HIBCH: variants seen among roughly 807,000 people sequenced by gnomAD.
The protein encoded by HIBCH is 3-hydroxyisobutyryl-CoA hydrolase, mitochondrial.
In HIBCH, 50 loss-of-function variants were observed where a neutral mutation model predicts 58.2. That is an observed-to-expected ratio of 0.86 (90% confidence interval 0.68 to 1.09). The LOEUF (loss-of-function observed/expected upper bound fraction) is 1.09. HIBCH is among the 50% of genes least tolerant of loss of function. The probability of loss-of-function intolerance (pLI) is 0.00; values close to 1 mark genes in which losing one functional copy is unlikely to be tolerated. For missense variants in HIBCH, 450 were observed against 449.7 expected (o/e 1.00, Z -0.01); for synonymous variants, 151 against 146.9 (o/e 1.03, Z -0.20).
At chr2:190,308,485 T>C (rs1688473143) in intron 2 of HIBCH, among the ~76,000 whole-genome samples, 1 of 152,132 alleles carries the variant, frequency 6.6e-6, no homozygotes. Flanking sequence ...CATAAATTAA[T>C]GGATTAATGA....
intron 11 of HIBCH, among the ~76,000 whole-genome samples, chr2:190,237,116 A>G (rs1471265477): frequency 2.0e-5 from 3 of 152,192 alleles, no homozygotes; most frequent in Non-Finnish European, 2.9e-5. Context: ...ATGTTAAATT[A>G]TATATAATAA....
chr2:190,194,758 A>G (rs1442169683), intron 1 of HIBCH, among the ~76,000 whole-genome samples: 1 of 152,108 alleles, frequency 6.6e-6, no homozygotes, highest in African/African-American at 2.4e-5. Context: ...TGCCATTTCT[A>G]GAATGTCATA....
chr2:190,198,194 A>AG (rs58782566), intron 1 of HIBCH, among the ~76,000 whole-genome samples: 3,529 of 152,280 alleles, frequency 0.023, 157 homozygotes, highest in African/African-American at 0.08. Context: ...CACTCTTATT[A>AG]GGGGTAGGAA....
In HIBCH at chr2:190,206,685, A is replaced by G. The variant is rs1690398918; in HGVS notation, c.1046-1453T>C. ...AGTAAGAATTTTTAACAACTGTTAA[A>G]TTTGCTAACTTACTTTAACTTGCTA... is the stretch of plus-strand genomic sequence containing the variant. On this transcript the variant is annotated intron_variant, in intron 13 of 13. Coordinates refer to ENST00000359678, the MANE Select transcript of HIBCH (RefSeq NM_014362.4). The surrounding 1 kb of genome is among the most constrained non-coding windows in gnomAD (Gnocchi z 5.1). Among the ~76,000 whole-genome samples, 1 of 152,188 alleles carries G rather than the reference A, an allele frequency of 6.6e-6. No individual in the cohort carries two copies. Among genetic ancestry groups the G allele is most frequent in the Non-Finnish European group, 1.5e-5 (1 of 68,040 alleles).
chr2:190,227,551 A>G (rs189710306), intron 11 of HIBCH, among the ~76,000 whole-genome samples: 192 of 152,372 alleles, frequency 1.3e-3, no homozygotes, highest in Non-Finnish European at 2.3e-3. Flanking sequence ...AATGGCAACA[A>G]AAGCCAAAAT....
Position 190,244,980 on chromosome 2 carries a change from G to A in HIBCH, c.810-12C>T. 1 of 1,519,220 alleles carries A rather than the reference G, an allele frequency of 6.6e-7. No individual in the cohort carries two copies. The highest frequency in any genetic ancestry group is 1.1e-5 in the South Asian group (1 of 89,124). 94.1% of individuals were successfully genotyped at this position (1,519,220 alleles called of 1,614,324 possible). ...TGGCTGAAAAACAACTATAAAAAAAGGAAATGTGATTTCACCAATGTGTAA... is the reference window on the plus strand; with the variant it reads ...TGGCTGAAAAACAACTATAAAAAAAAGAAATGTGATTTCACCAATGTGTAA... On this transcript the variant is annotated splice_polypyrimidine_tract_variant and intron_variant, in intron 10 of 13. Coordinates refer to ENST00000359678, the MANE Select transcript of HIBCH (RefSeq NM_014362.4).
Position 190,308,868 on chromosome 2 carries a change from C to A in HIBCH, c.78+1886G>T, listed in dbSNP as rs540639751. Among the ~76,000 whole-genome samples, 8 of 152,252 alleles carry A rather than the reference C, an allele frequency of 5.3e-5. No homozygotes were observed. The South Asian group carries it at 1.7e-3, about 32-fold the overall frequency. On this transcript the variant is annotated intron_variant, in intron 2 of 13. Coordinates refer to ENST00000359678, the MANE Select transcript of HIBCH (RefSeq NM_014362.4). Reference sequence around the variant, plus strand: ...TACGTAGTGCCCACTCTGTCAGAGGCTATAGGGCGTACAAAGTAAATCTAT... The same window carrying A: ...TACGTAGTGCCCACTCTGTCAGAGGATATAGGGCGTACAAAGTAAATCTAT...
intron 11 of HIBCH, chr2:190,213,747 A>C (rs925138925): frequency 2.0e-5 from 3 of 152,670 alleles, no homozygotes; most frequent in Admixed American, 2.0e-4. Context: ...GCAGCAAGAC[A>C]ACCCTAAAAA....
intron 6 of HIBCH, among the ~76,000 whole-genome samples, chr2:190,275,535 G>C (rs923685480): frequency 1.3e-5 from 2 of 152,022 alleles, no homozygotes; most frequent in African/African-American, 4.8e-5. Context: ...AGTCTGAAAG[G>C]GCCCCTATCA....
intron 2 of HIBCH, among the ~76,000 whole-genome samples, chr2:190,300,681 G>A (rs1164802061): frequency 6.6e-6 from 1 of 151,882 alleles, no homozygotes; most frequent in African/African-American, 2.4e-5. Context: ...TCAATTTTTG[G>A]TTTTGTTGCA....
chr2:190,259,065 G>C (rs951879941), intron 7 of HIBCH, among the ~76,000 whole-genome samples: 2 of 152,006 alleles, frequency 1.3e-5, no homozygotes. Flanking sequence ...CTCTAGCTTT[G>C]TTCTTTTTGC....
At chr2:190,269,560 A>C (rs1194181744) in intron 6 of HIBCH, among the ~76,000 whole-genome samples, 1 of 152,200 alleles carries the variant, frequency 6.6e-6, no homozygotes, top group Non-Finnish European at 1.5e-5. Flanking sequence ...GATTATTAAG[A>C]AGTCAGGAAA....
At chr2:190,240,346 T>G (rs1015851240) in intron 11 of HIBCH, among the ~76,000 whole-genome samples, 1 of 152,144 alleles carries the variant, frequency 6.6e-6, no homozygotes, top group Non-Finnish European at 1.5e-5. Context: ...GGTGGTGATA[T>G]CCCCTTTATC....
At chr2:190,270,282 A>ATTTTT (rs1156661359) in intron 6 of HIBCH, among the ~76,000 whole-genome samples, 38 of 109,766 alleles carry the variant, frequency 3.5e-4, no homozygotes, top group Non-Finnish European at 7.2e-4. Flanking sequence ...TTTTTTTTTA[A>ATTTTT]AAAAAAAGAT....
chr2:190,273,704 T>A (rs76754295), intron 6 of HIBCH, among the ~76,000 whole-genome samples: 62 of 151,682 alleles, frequency 4.1e-4, no homozygotes, highest in Middle Eastern at 3.4e-3. Context: ...CCAGTTTTTT[T>A]AAAAAAAAAA....
intron 11 of HIBCH, among the ~76,000 whole-genome samples, chr2:190,235,877 G>A (rs541886258): frequency 1.3e-5 from 2 of 152,270 alleles, no homozygotes; most frequent in African/African-American, 4.8e-5. Context: ...GTTTATGTGT[G>A]TGTTCCACTA....
At chr2:190,222,226 C>T (rs1435842518) in intron 11 of HIBCH, among the ~76,000 whole-genome samples, 2 of 152,186 alleles carry the variant, frequency 1.3e-5, no homozygotes, top group Non-Finnish European at 2.9e-5. Flanking sequence ...TTGTGTTCCC[C>T]ACCTCCTGTG....
At chr2:190,248,872 A>C (rs1402554548) in intron 9 of HIBCH, among the ~76,000 whole-genome samples, 6 of 151,978 alleles carry the variant, frequency 3.9e-5, no homozygotes, top group African/African-American at 9.7e-5. Context: ...AAACAAAAAA[A>C]AAAAACAAAA....
At chr2:190,302,109 G>A (rs183550294) in intron 2 of HIBCH, among the ~76,000 whole-genome samples, 1 of 135,926 alleles carries the variant, frequency 7.4e-6, no homozygotes, top group African/African-American at 2.4e-5. Flanking sequence ...AGAATCAGAA[G>A]ATTCATAAAT....
Sources: gnomAD v4.1 joint callset for allele counts (sites outside exome capture counted in the v4.1 genomes callset) on GRCh38, gnomAD v4.1.1 for gene constraint, Gnocchi (gnomAD v3.1) non-coding constraint, MANE v1.5 for transcripts, NCBI Gene and HGNC (gene_info 2026-07-23, HGNC 2026-07-21) for gene names.